The following FAM53B variants were observed in gnomAD, a reference collection of about 807,000 sequenced individuals.
FAM53B encodes the protein family with sequence similarity 53 member B.
Under a neutral mutation model 32.7 loss-of-function variants are expected in FAM53B, and 12 were observed. The ratio of observed to expected loss-of-function variants is 0.37; its 90% confidence interval spans 0.24 to 0.59. The LOEUF is 0.59. Ranked by LOEUF, FAM53B falls within the 20% of genes least tolerant of loss-of-function variation. The probability of loss-of-function intolerance (pLI) is 0.72; values close to 1 mark genes in which losing one functional copy is unlikely to be tolerated. For missense variants in FAM53B, 477 were observed against 577.7 expected (o/e 0.83, Z 1.79); for synonymous variants, 234 against 228.7 (o/e 1.02, Z -0.21).
intron 4 of FAM53B, among the ~76,000 whole-genome samples, chr10:124,669,810 G>A (rs903938998): frequency 2.0e-5 from 3 of 152,138 alleles, no homozygotes; most frequent in African/African-American, 4.8e-5. Context: ...ACATGGCCTC[G>A]GCACTCCCTT....
chr10:124,672,629 T>A (rs1401429315), intron 4 of FAM53B, among the ~76,000 whole-genome samples: 1 of 152,234 alleles, frequency 6.6e-6, no homozygotes. Context: ...AATCCTCCTG[T>A]GGCCCTAAGC....
intron 4 of FAM53B, chr10:124,667,213 A>G (rs1383477336): frequency 3.6e-6 from 2 of 558,772 alleles, no homozygotes; most frequent in South Asian, 4.6e-5. Context: ...ATTTACTTAC[A>G]TCGATGACAT....
At chr10:124,685,835 T>TC (rs1416466293) in intron 3 of FAM53B, among the ~76,000 whole-genome samples, 1 of 152,120 alleles carries the variant, frequency 6.6e-6, no homozygotes, top group Non-Finnish European at 1.5e-5. Flanking sequence ...CCTCAGGGCC[T>TC]CCCTACTCCA....
chr10:124,700,533 C>A (rs1021233566), intron 2 of FAM53B, among the ~76,000 whole-genome samples: 4 of 152,188 alleles, frequency 2.6e-5, no homozygotes, highest in Admixed American at 6.5e-5. Flanking sequence ...CCCGAGCCCA[C>A]GCCGGGGCAG....
chr10:124,673,019 G>A (rs1345581120), intron 4 of FAM53B, among the ~76,000 whole-genome samples: 1 of 152,162 alleles, frequency 6.6e-6, no homozygotes, highest in Non-Finnish European at 1.5e-5. Flanking sequence ...GCCACCTTTG[G>A]GGATTAGGAT....
At chr10:124,734,669 C>A (rs1950163593) in intron 1 of FAM53B, among the ~76,000 whole-genome samples, 1 of 152,194 alleles carries the variant, frequency 6.6e-6, no homozygotes, top group Admixed American at 6.5e-5. Flanking sequence ...GGAGTCAGGG[C>A]CCCCTCCCAG....
chr10:124,702,657 G>T (rs555466457), intron 2 of FAM53B, among the ~76,000 whole-genome samples: 1 of 152,154 alleles, frequency 6.6e-6, no homozygotes, highest in Admixed American at 6.5e-5. Flanking sequence ...GTATAATGGG[G>T]TAGAAATGGG....
chr10:124,670,529 T>C (rs975020482), intron 4 of FAM53B, among the ~76,000 whole-genome samples: 10 of 151,822 alleles, frequency 6.6e-5, no homozygotes, highest in African/African-American at 2.4e-4. Context: ...CAGGAACCTG[T>C]CCCCCCAGCT....
chr10:124,631,324 GA>G (rs1949389776), intron 4 of FAM53B, among the ~76,000 whole-genome samples: 1 of 152,200 alleles, frequency 6.6e-6, no homozygotes. Context: ...GTGGGGGAAG[GA>G]GGAGTTGATC....
chr10:124,734,051 C>T (rs1417523778), intron 1 of FAM53B, among the ~76,000 whole-genome samples: 1 of 152,232 alleles, frequency 6.6e-6, no homozygotes, highest in Non-Finnish European at 1.5e-5. Context: ...TCAGCTGTCA[C>T]CCCCTCCAGG....
intron 3 of FAM53B, among the ~76,000 whole-genome samples, chr10:124,690,681 TG>T (rs1461273532): frequency 2.0e-5 from 3 of 152,196 alleles, no homozygotes; most frequent in Non-Finnish European, 4.4e-5. Flanking sequence ...AACCAATGAA[TG>T]GTACAAGGAA....
At chr10:124,668,774 G>A (rs544294503) in intron 4 of FAM53B, among the ~76,000 whole-genome samples, 23 of 152,370 alleles carry the variant, frequency 1.5e-4, no homozygotes, top group African/African-American at 3.8e-4. Flanking sequence ...CAGGCCTGGC[G>A]GAGCACGGTA....
chr10:124,702,868 G>C (rs1397037765), intron 2 of FAM53B, among the ~76,000 whole-genome samples: 2 of 152,134 alleles, frequency 1.3e-5, no homozygotes, highest in African/African-American at 4.8e-5. Flanking sequence ...GCCTCCCCAT[G>C]GTGATCAGGG....
rs75800604 is a variant in FAM53B at position 124,641,972 on chromosome 10, G to C, written c.907-18368C>G. On this transcript the variant is annotated intron_variant, in intron 4 of 4. Transcript: ENST00000337318. ...GAGGCCTAGAGAGGCTGAGGAACCT[G>C]CTAAGGTCACCCAGCTGGAGAGCCG... is the stretch of plus-strand genomic sequence containing the variant. Among the ~76,000 whole-genome samples, 630 of 152,368 alleles carry C rather than the reference G, an allele frequency of 4.1e-3. 2 individuals are homozygous for C. Among genetic ancestry groups the C allele is most frequent in the East Asian group, 0.015 (76 of 5,190 alleles).
chr10:124,713,557 T>C (rs1377540610), intron 1 of FAM53B: 1 of 152,242 alleles, frequency 6.6e-6, no homozygotes, highest in Non-Finnish European at 1.5e-5. Context: ...AAAAGAGGAT[T>C]GCATGCTAAT....
In FAM53B at chr10:124,621,428, T is replaced by G. The variant is rs1291823126; in HGVS notation, c.*1814A>C. On this transcript the variant is annotated 3_prime_UTR_variant, in exon 5 of 5. Coordinates refer to ENST00000337318, the MANE Select transcript of FAM53B (RefSeq NM_014661.4). ...GGCTGTCCGGGATCACAAGTAGACA[T>G]GCCTCCGGCAGGAGCTACAGCAACC... 6.6e-6 allele frequency: 1 copy of G among 152,278 alleles called. No homozygotes were observed. 9.4% of individuals were successfully genotyped at this position (152,278 alleles called of 1,614,324 possible). A position where few individuals can be genotyped will look rare whatever the true frequency, so the allele number is the denominator to read the frequency against.
At chr10:124,632,351 G>A (rs760531062) in intron 4 of FAM53B, among the ~76,000 whole-genome samples, 2 of 152,238 alleles carry the variant, frequency 1.3e-5, no homozygotes, top group Non-Finnish European at 2.9e-5. Flanking sequence ...CACCTCGCTC[G>A]CAGCTTGGCG....
chr10:124,657,764 G>C (rs1340579416), intron 4 of FAM53B, among the ~76,000 whole-genome samples: 3 of 152,178 alleles, frequency 2.0e-5, no homozygotes, highest in Non-Finnish European at 4.4e-5. Context: ...CCCTGAGCAT[G>C]AGACAGACAT....
At chr10:124,688,507 C>G (rs1470289674) in intron 3 of FAM53B, among the ~76,000 whole-genome samples, 2 of 152,196 alleles carry the variant, frequency 1.3e-5, no homozygotes, top group Non-Finnish European at 2.9e-5. Flanking sequence ...TCCCTGGGCC[C>G]AGTTCTCTCA....
Sources: allele counts gnomAD v4.1 joint callset (sites outside exome capture counted in the v4.1 genomes callset), GRCh38; gene constraint gnomAD v4.1.1; transcripts MANE v1.5; gene names NCBI Gene and HGNC (gene_info 2026-07-23, HGNC 2026-07-21).